Variants in KCNJ6 observed in about 807,000 individuals in gnomAD.
The protein encoded by KCNJ6 is potassium inwardly rectifying channel subfamily J member 6, also known as G protein-activated inward rectifier potassium channel 2.
In KCNJ6, 9 loss-of-function variants were observed where a neutral mutation model predicts 34.2. The observed-to-expected ratio is 0.26, with a 90% confidence interval of 0.16 to 0.46. The LOEUF is 0.46. Ranked by LOEUF, KCNJ6 falls within the 20% of genes least tolerant of loss-of-function variation. KCNJ6 has a pLI of 1.00. For synonymous variants in KCNJ6, 196 were observed against 207.1 expected (o/e 0.95, Z 0.46); for missense variants, 236 against 531.3 (o/e 0.44, Z 5.46).
intron 3 of KCNJ6, among the ~76,000 whole-genome samples, chr21:37,691,584 G>T: frequency 6.6e-6 from 1 of 152,204 alleles, no homozygotes. Flanking sequence ...CTGATTCACA[G>T]TTTGGCTTCT....
intron 3 of KCNJ6, among the ~76,000 whole-genome samples, chr21:37,662,603 A>G (rs746014155): frequency 2.0e-5 from 3 of 152,198 alleles, no homozygotes; most frequent in African/African-American, 7.2e-5. Context: ...AGAATGATTT[A>G]TATTCCTTTA....
chr21:37,859,911 T>C (rs1175003437), intron 1 of KCNJ6, among the ~76,000 whole-genome samples: 1 of 152,180 alleles, frequency 6.6e-6, no homozygotes, highest in Non-Finnish European at 1.5e-5. Flanking sequence ...AATGGCTTCT[T>C]AGCGTATCTC....
chr21:37,832,251 G>A (rs936325634), intron 2 of KCNJ6, among the ~76,000 whole-genome samples: 1 of 151,766 alleles, frequency 6.6e-6, no homozygotes, highest in East Asian at 1.9e-4. Flanking sequence ...AGTATTTAAA[G>A]TGCCTAAATT....
At chr21:37,813,762 T>C (rs2055333638) in intron 2 of KCNJ6, among the ~76,000 whole-genome samples, 1 of 152,184 alleles carries the variant, frequency 6.6e-6, no homozygotes. Flanking sequence ...TCAAAATGTA[T>C]TAAAGACTTA....
chr21:37,775,910 G>T (rs1364367584), intron 2 of KCNJ6, among the ~76,000 whole-genome samples: 1 of 151,924 alleles, frequency 6.6e-6, no homozygotes, highest in Non-Finnish European at 1.5e-5. Context: ...AGCTTGATGG[G>T]GATGGCATTG....
At chr21:37,667,153 C>CAAAAAAAA in intron 3 of KCNJ6, among the ~76,000 whole-genome samples, 1 of 2,930 alleles carries the variant, frequency 3.4e-4, no homozygotes, top group South Asian at 0.015. Flanking sequence ...GCAATAAATA[C>CAAAAAAAA]TAAAAAAAAA....
At chr21:37,876,599 A>G (rs1439621009) in intron 1 of KCNJ6, among the ~76,000 whole-genome samples, 2 of 141,146 alleles carry the variant, frequency 1.4e-5, no homozygotes, top group Non-Finnish European at 1.5e-5. Flanking sequence ...TATATTTTAT[A>G]TACAAAACAA....
intron 1 of KCNJ6, among the ~76,000 whole-genome samples, chr21:37,882,264 G>A (rs535266773): frequency 6.6e-6 from 1 of 152,288 alleles, no homozygotes; most frequent in East Asian, 1.9e-4. Context: ...TGACAGATGA[G>A]CGTGCTGGGT....
intron 1 of KCNJ6, among the ~76,000 whole-genome samples, chr21:37,859,921 C>T (rs975310414): frequency 6.6e-5 from 10 of 152,212 alleles, no homozygotes; most frequent in East Asian, 1.9e-4. Context: ...TAGCGTATCT[C>T]CTGGATTCTG....
intron 2 of KCNJ6, among the ~76,000 whole-genome samples, chr21:37,811,779 A>G (rs2055323975): frequency 1.3e-5 from 2 of 152,182 alleles, no homozygotes; most frequent in African/African-American, 4.8e-5. Flanking sequence ...GCTTCTTTTC[A>G]ACCTCAGACA....
intron 1 of KCNJ6, among the ~76,000 whole-genome samples, chr21:37,843,428 T>C (rs1271670909): frequency 6.6e-6 from 1 of 152,198 alleles, no homozygotes; most frequent in South Asian, 2.1e-4. Context: ...ATGACATATG[T>C]TTTGGTGTAA....
chr21:37,900,993 C>T (rs1463984162), intron 1 of KCNJ6, among the ~76,000 whole-genome samples: 1 of 151,922 alleles, frequency 6.6e-6, no homozygotes, highest in Non-Finnish European at 1.5e-5. Flanking sequence ...GTGCTATATT[C>T]TCCCCCACTT....
intron 3 of KCNJ6, among the ~76,000 whole-genome samples, chr21:37,677,478 AC>A (rs1368511707): frequency 2.0e-5 from 3 of 151,996 alleles, no homozygotes; most frequent in Non-Finnish European, 2.9e-5. Flanking sequence ...CTTTTATTTG[AC>A]CTTTCCTTTC....
In KCNJ6 at chr21:37,614,308, T is replaced by G. The variant is rs941223214; in HGVS notation, c.*10851A>C. On this transcript the variant is annotated 3_prime_UTR_variant, in exon 4 of 4. Transcript: ENST00000609713. ...GAACGCCAATCTTAAGGCTTTGATT[T>G]CTGGAAATTTACTTTTGTGGTGTCA... is the stretch of plus-strand genomic sequence containing the variant. The G allele has an allele frequency of 2.0e-5, 3 of 152,172 alleles. No homozygotes were observed. Among genetic ancestry groups the G allele is most frequent in the Admixed American group, 6.5e-5 (1 of 15,270 alleles). 9.4% of individuals were successfully genotyped at this position (152,172 alleles called of 1,614,324 possible). A position where few individuals can be genotyped will look rare whatever the true frequency, so the allele number is the denominator to read the frequency against.
At chr21:37,676,935 C>T (rs1304709917) in intron 3 of KCNJ6, among the ~76,000 whole-genome samples, 1 of 152,196 alleles carries the variant, frequency 6.6e-6, no homozygotes, top group South Asian at 2.1e-4. Context: ...ATGTCCCCTT[C>T]CCCACCTCCA....
chr21:37,767,430 A>C (rs942286083), intron 2 of KCNJ6, among the ~76,000 whole-genome samples: 10 of 152,178 alleles, frequency 6.6e-5, no homozygotes, highest in Non-Finnish European at 1.0e-4. Flanking sequence ...CTCATCCTTC[A>C]CAGAGCAGGA....
At chr21:37,687,463 T>C (rs1047811072) in intron 3 of KCNJ6, among the ~76,000 whole-genome samples, 2 of 152,220 alleles carry the variant, frequency 1.3e-5, no homozygotes, top group Non-Finnish European at 2.9e-5. Flanking sequence ...CATCAGCTAC[T>C]GTTCTGTCCT....
Position 37,612,995 on chromosome 21 carries a change from G to A in KCNJ6, c.*12164C>T, listed in dbSNP as rs1165619428. ...CTGAAAAAGACAAGGTCAAGATAAT[G>A]AGAAGACAAGCCACGGACTGGGAGA... On this transcript the variant is annotated 3_prime_UTR_variant, in exon 4 of 4. Transcript: ENST00000609713. 3 of 152,104 alleles carry A rather than the reference G, an allele frequency of 2.0e-5. No individual in the cohort carries two copies. The highest frequency in any genetic ancestry group is 7.2e-5 in the African/African-American group (3 of 41,432). 9.4% of individuals were successfully genotyped at this position (152,104 alleles called of 1,614,324 possible).
chr21:37,686,511 A>G (rs928961494), intron 3 of KCNJ6, among the ~76,000 whole-genome samples: 8 of 109,664 alleles, frequency 7.3e-5, no homozygotes, highest in African/African-American at 2.5e-4. Context: ...TCTGTTGCCC[A>G]GGCTGGAGTG....
Sources: gnomAD v4.1 joint callset for allele counts (sites outside exome capture counted in the v4.1 genomes callset) on GRCh38, gnomAD v4.1.1 for gene constraint, MANE v1.5 for transcripts, NCBI Gene and HGNC (gene_info 2026-07-23, HGNC 2026-07-21) for gene names.